The following SLC43A3 variants were observed in gnomAD, a reference collection of about 807,000 sequenced individuals.
The protein encoded by SLC43A3 is solute carrier family 43 member 3.
A neutral mutation model predicts 53.3 loss-of-function variants in SLC43A3; 33 were observed. The observed-to-expected ratio is 0.62, with a 90% CI of 0.47 to 0.83. The LOEUF is 0.83. Among genes scored for constraint, SLC43A3 ranks in the 40% least tolerant of loss-of-function variants. The pLI is 0.00. For synonymous variants in SLC43A3, 236 were observed against 246.2 expected, an observed-to-expected ratio of 0.96 and a Z score of 0.39; for missense variants, 530 against 610.0, an observed-to-expected ratio of 0.87 and a Z score of 1.38.
chr11:57,412,705 T>C (rs554389332), intron 11 of SLC43A3, among the ~76,000 whole-genome samples: 1 of 151,696 alleles, frequency 6.6e-6, no homozygotes, highest in African/African-American at 2.4e-5. Context: ...CTACTCGGGA[T>C]GCTGAGGCAG....
intron 5 of SLC43A3, 74 bp from the exon 6 acceptor site, chr11:57,421,447 C>T: frequency 1.8e-6 from 2 of 1,090,556 alleles, no homozygotes; most frequent in East Asian, 2.4e-5. Flanking sequence ...TCTGCTCCCA[C>T]CTGCTCCAAA....
intron 12 of SLC43A3, among the ~76,000 whole-genome samples, 187 bp downstream of exon 12, chr11:57,409,748 G>C (rs953092077): frequency 8.5e-5 from 13 of 152,150 alleles, no homozygotes; most frequent in African/African-American, 3.1e-4. Flanking sequence ...AGATGTAAAG[G>C]CTCAAGTGCA....
At chr11:57,408,011 G>A (rs1942277421) in intron 13 of SLC43A3, 115 bp from the exon 14 acceptor site, 1 of 674,042 alleles carries the variant, frequency 1.5e-6, no homozygotes, top group Non-Finnish European at 2.6e-6. Flanking sequence ...GAAGTCTACC[G>A]AGTTTATATT....
rs191729509 is a variant in SLC43A3 at position 57,424,650 on chromosome 11, G to A, written c.315-622C>T. Among the ~76,000 whole-genome samples, 35 of 152,254 alleles carry A rather than the reference G, an allele frequency of 2.3e-4. 1 individual carries two copies. Among genetic ancestry groups the A allele is most frequent in the Admixed American group, 2.2e-3 (34 of 15,306 alleles). On this transcript the variant is annotated intron_variant, in intron 4 of 13. Transcript: ENST00000395124. Reference sequence around the variant, plus strand: ...AGCAATATCCTAAGGCTGGAGAAGAGGGAGGGGACAAAGGAAGGGGAGGAA... The same window carrying A: ...AGCAATATCCTAAGGCTGGAGAAGAAGGAGGGGACAAAGGAAGGGGAGGAA...
intron 4 of SLC43A3, 102 bp from the exon 5 acceptor site, chr11:57,424,130 C>A: frequency 2.6e-6 from 3 of 1,175,572 alleles, no homozygotes; most frequent in Non-Finnish European, 3.7e-6. Flanking sequence ...AGGACTTGAC[C>A]GCACCCTCAG....
chr11:57,421,445 C>T, intron 5 of SLC43A3, 72 bp from the exon 6 acceptor site: 3 of 1,095,798 alleles, frequency 2.7e-6, no homozygotes, highest in South Asian at 1.4e-5. Context: ...ACTCTGCTCC[C>T]ACCTGCTCCA....
intron 2 of SLC43A3, 115 bp downstream of exon 2, chr11:57,426,473 G>A (rs1943202344): frequency 2.4e-6 from 1 of 408,744 alleles, no homozygotes; most frequent in Non-Finnish European, 4.5e-6. Flanking sequence ...CAGCAAATGT[G>A]GGGAATAAAT....
chr11:57,413,236 G>A (rs1448616359), intron 11 of SLC43A3, among the ~76,000 whole-genome samples: 1 of 152,112 alleles, frequency 6.6e-6, no homozygotes, highest in Non-Finnish European at 1.5e-5. Context: ...AGGTAGGGGG[G>A]AGGACTGTTC....
At chr11:57,417,574 T>C (rs1485270220) in intron 8 of SLC43A3, among the ~76,000 whole-genome samples, 174 bp downstream of exon 8, 2 of 152,244 alleles carry the variant, frequency 1.3e-5, no homozygotes, top group African/African-American at 4.8e-5. Flanking sequence ...TGAAAAATAA[T>C]AAATGCTTAA....
chr11:57,407,963 G>T, intron 13 of SLC43A3, 67 bp from the exon 14 acceptor site: 2 of 1,032,994 alleles, frequency 1.9e-6, no homozygotes, highest in Non-Finnish European at 3.0e-6. Context: ...GCTCAATGAA[G>T]CAAGCACTGG....
At chr11:57,423,108 C>T (rs75556077) in intron 5 of SLC43A3, among the ~76,000 whole-genome samples, 1,543 of 152,294 alleles carry the variant, frequency 0.01, 29 homozygotes, top group African/African-American at 0.034. Flanking sequence ...GAGGCCTGCA[C>T]ATCAGGCCCA....
chr11:57,422,738 G>A (rs1010138689), intron 5 of SLC43A3, among the ~76,000 whole-genome samples: 37 of 152,264 alleles, frequency 2.4e-4, no homozygotes, highest in East Asian at 5.8e-4. Context: ...TTGCAGGCAC[G>A]AGTCAAACAT....
At chr11:57,425,102 G>C (rs752806475) in intron 4 of SLC43A3, among the ~76,000 whole-genome samples, 6 of 152,142 alleles carry the variant, frequency 3.9e-5, no homozygotes, top group East Asian at 1.9e-4. Flanking sequence ...GGGCGGGGAG[G>C]GGGGGCGGTG....
intron 11 of SLC43A3, among the ~76,000 whole-genome samples, chr11:57,412,756 TGA>T (rs1942534568): frequency 6.6e-6 from 1 of 151,126 alleles, no homozygotes; most frequent in Non-Finnish European, 1.5e-5. Context: ...CGCAGTAGGC[TGA>T]GATTACGCCA....
At chr11:57,418,310 G>A (rs1457108484) in intron 7 of SLC43A3, among the ~76,000 whole-genome samples, 1 of 151,828 alleles carries the variant, frequency 6.6e-6, no homozygotes, top group Non-Finnish European at 1.5e-5. Flanking sequence ...CCCCAGCCTG[G>A]ACAATGAAAC....
intron 2 of SLC43A3, 106 bp from the exon 3 acceptor site, chr11:57,426,458 G>T (rs905255786): frequency 4.5e-6 from 2 of 442,776 alleles, no homozygotes; most frequent in African/African-American, 1.9e-5. Context: ...GATCATGGCC[G>T]CTGGCAGCAA....
intron 11 of SLC43A3, among the ~76,000 whole-genome samples, chr11:57,412,467 AG>A (rs1210163767): frequency 6.6e-6 from 1 of 152,240 alleles, no homozygotes; most frequent in Admixed American, 6.5e-5. Context: ...CAAAATAGTA[AG>A]GAATGTTTTT....
At chr11:57,420,733 C>T (rs767853512) in intron 7 of SLC43A3, among the ~76,000 whole-genome samples, 1 of 152,224 alleles carries the variant, frequency 6.6e-6, no homozygotes, top group Non-Finnish European at 1.5e-5. Flanking sequence ...AGGGGCTTAG[C>T]GGTTACAAGC....
At position 57,415,091 on chromosome 11, in the gene SLC43A3, C is replaced by T; in HGVS notation, c.785G>A (p.Gly262Glu). ...GAAGGAGCGGAGTTCCTGCTTCTGC[C>T]CTGCCCCTGGGGTCTCTAATGGGGA... ...LSAKEETPGA[G>E]QKQELRSFWS... The change falls in exon 10 of 14, where the codon GGG becomes GAG. Residue 262 changes from glycine (G) to glutamate (E), a missense_variant. Coordinates refer to ENST00000395124, the MANE Select transcript of SLC43A3 (RefSeq NM_199329.3). 1 of 1,611,066 alleles carries T rather than the reference C, an allele frequency of 6.2e-7. No homozygotes were observed. The highest frequency in any genetic ancestry group is 8.5e-7 in the Non-Finnish European group (1 of 1,178,358).
Sources: gnomAD v4.1 joint callset for allele counts (sites outside exome capture counted in the v4.1 genomes callset) on GRCh38, gnomAD v4.1.1 for gene constraint, MANE v1.5 for transcripts, NCBI Gene and HGNC (gene_info 2026-07-23, HGNC 2026-07-21) for gene names.